The following PLEKHG1 variants were observed in gnomAD, a reference collection of about 807,000 sequenced individuals.
PLEKHG1 encodes pleckstrin homology domain-containing family G member 1.
Under a neutral mutation model 100.8 loss-of-function variants are expected in PLEKHG1, and 44 were observed. The ratio of observed to expected loss-of-function variants is 0.44; its 90% CI spans 0.34 to 0.56. The LOEUF is 0.56. Among genes scored for constraint, PLEKHG1 ranks in the 20% least tolerant of loss-of-function variants. PLEKHG1 has a pLI of 0.01. For missense variants in PLEKHG1, 1,545 were observed against 1,720.9 expected (o/e 0.90, Z 1.81); for synonymous variants, 640 against 662.5 (o/e 0.97, Z 0.52).
At chr6:150,675,875 A>G (rs574384857) in intron 3 of PLEKHG1, among the ~76,000 whole-genome samples, 84 of 152,398 alleles carry the variant, frequency 5.5e-4, no homozygotes, top group African/African-American at 2.0e-3. Flanking sequence ...AAGAAACTGT[A>G]TAAACATTTA....
intron 4 of PLEKHG1, among the ~76,000 whole-genome samples, chr6:150,787,190 T>G (rs989566026): frequency 2.0e-5 from 3 of 152,218 alleles, no homozygotes; most frequent in African/African-American, 7.2e-5. Flanking sequence ...TATAATTATC[T>G]TTCTTTTGAG....
intron 2 of PLEKHG1, among the ~76,000 whole-genome samples, chr6:150,641,706 G>C (rs1778266754): frequency 6.6e-6 from 1 of 151,984 alleles, no homozygotes; most frequent in South Asian, 2.1e-4. Context: ...CGTTTTATTG[G>C]AAGCCAGCCC....
intron 3 of PLEKHG1, among the ~76,000 whole-genome samples, chr6:150,681,333 GAA>G (rs1222328862): frequency 6.6e-6 from 1 of 151,936 alleles, no homozygotes; most frequent in Admixed American, 6.6e-5. Flanking sequence ...CCAACATGGT[GAA>G]AACCCCTCTC....
rs1462423696 is a variant in PLEKHG1, at chr6:150,840,912, C to T, written c.*16C>T. 4 of 1,548,188 alleles carry T rather than the reference C, an allele frequency of 2.6e-6. No homozygotes were observed. In the East Asian group the frequency reaches 9.0e-5, roughly 35 times the overall value. ...CTTTGCTTAAGGTTCTTCATAATAA[C>T]TGCTTGAATCAACTTCTTATTTTGC... On this transcript the variant is annotated 3_prime_UTR_variant, in exon 16 of 16. Transcript: ENST00000358517.
At chr6:150,619,769 T>C (rs1006351570) in intron 1 of PLEKHG1, among the ~76,000 whole-genome samples, 2 of 152,200 alleles carry the variant, frequency 1.3e-5, no homozygotes, top group East Asian at 1.9e-4. Flanking sequence ...CTTTCACCCT[T>C]CTACATTATG....
At chr6:150,635,211 T>C (rs1272605219) in intron 1 of PLEKHG1, among the ~76,000 whole-genome samples, 1 of 152,200 alleles carries the variant, frequency 6.6e-6, no homozygotes, top group East Asian at 1.9e-4. Flanking sequence ...AGCAAGTAAA[T>C]TGCAGCTTTC....
exon 3 of PLEKHG1, chr6:150,768,718 G>A: frequency 6.3e-7 from 1 of 1,596,964 alleles, no homozygotes; most frequent in Non-Finnish European, 8.6e-7. Context: ...GAAACATACA[G>A]GATATCTACC....
chr6:150,750,235 T>G (rs1257761753), intron 2 of PLEKHG1, among the ~76,000 whole-genome samples: 1 of 152,146 alleles, frequency 6.6e-6, no homozygotes, highest in Non-Finnish European at 1.5e-5. Context: ...GGCTATTACT[T>G]AAGCGACTAA....
At chr6:150,842,604 G>C (rs1158311858) in exon 16 of PLEKHG1, 1 of 152,126 alleles carries the variant, frequency 6.6e-6, no homozygotes, top group Non-Finnish European at 1.5e-5. Context: ...TGAATAGCAT[G>C]GTCTGGGAAC....
chr6:150,770,323 T>G (rs565968214), intron 3 of PLEKHG1, among the ~76,000 whole-genome samples: 39 of 152,332 alleles, frequency 2.6e-4, no homozygotes, highest in African/African-American at 8.7e-4. Flanking sequence ...AGCACAAGCC[T>G]GACCTCTGGG....
chr6:150,809,799 G>A, intron 10 of PLEKHG1, 65 bp downstream of exon 11: 3 of 1,248,000 alleles, frequency 2.4e-6, no homozygotes, highest in Non-Finnish European at 3.5e-6. Context: ...AACCTGGGAG[G>A]TGGAGGTTAC....
intron 3 of PLEKHG1, among the ~76,000 whole-genome samples, chr6:150,771,371 C>T (rs908471141): frequency 3.3e-5 from 5 of 151,538 alleles, no homozygotes; most frequent in Non-Finnish European, 5.9e-5. Flanking sequence ...GAGCCGAGAT[C>T]GCGCCACTGC....
At chr6:150,789,250 T>C (rs1171968222) in intron 4 of PLEKHG1, among the ~76,000 whole-genome samples, 1 of 152,204 alleles carries the variant, frequency 6.6e-6, no homozygotes, top group Non-Finnish European at 1.5e-5. Flanking sequence ...ATTTGAAAGA[T>C]TTGAAGAACT....
chr6:150,699,737 G>A (rs1205451343), intron 3 of PLEKHG1, among the ~76,000 whole-genome samples: 3 of 152,172 alleles, frequency 2.0e-5, no homozygotes, highest in African/African-American at 7.2e-5. Flanking sequence ...ACAATAATTC[G>A]GTGGTGTCTC....
chr6:150,814,537 T>C (rs1787741641), intron 10 of PLEKHG1, among the ~76,000 whole-genome samples: 1 of 152,242 alleles, frequency 6.6e-6, no homozygotes, highest in Non-Finnish European at 1.5e-5. Context: ...AAATATGTTA[T>C]GAGGTAGTTC....
At chr6:150,657,921 A>G (rs1472572495) in intron 3 of PLEKHG1, among the ~76,000 whole-genome samples, 4 of 152,248 alleles carry the variant, frequency 2.6e-5, no homozygotes, top group African/African-American at 9.6e-5. Flanking sequence ...TAAGGAATCC[A>G]GTGTCTGGAA....
At chr6:150,736,154 A>C (rs1458683861) in intron 2 of PLEKHG1, among the ~76,000 whole-genome samples, 2 of 152,194 alleles carry the variant, frequency 1.3e-5, no homozygotes, top group African/African-American at 4.8e-5. Context: ...GTACACTGTG[A>C]ATAATGGGGC....
intron 2 of PLEKHG1, among the ~76,000 whole-genome samples, chr6:150,641,876 C>A (rs374628445): frequency 0.011 from 850 of 76,694 alleles, no homozygotes; most frequent in Middle Eastern, 0.022. Context: ...TGTGAAAAGG[C>A]AAAAAAAAAA....
chr6:150,646,631 G>A (rs1421719528), intron 2 of PLEKHG1, among the ~76,000 whole-genome samples: 1 of 152,196 alleles, frequency 6.6e-6, no homozygotes, highest in African/African-American at 2.4e-5. Flanking sequence ...GTAGAAGCAA[G>A]AAAGGGGTTT....
Sources: allele counts gnomAD v4.1 joint callset (sites outside exome capture counted in the v4.1 genomes callset), GRCh38; gene constraint gnomAD v4.1.1; transcripts MANE v1.5; gene names NCBI Gene and HGNC (gene_info 2026-07-23, HGNC 2026-07-21).